TNFSF4: variants seen among roughly 807,000 people sequenced by gnomAD.
TNFSF4 encodes TNF superfamily member 4.
TNFSF4 carries 4 observed loss-of-function variants against 7.3 expected under a neutral mutation model. The observed-to-expected ratio is 0.55, with a 90% confidence interval of 0.27 to 1.25. The LOEUF (loss-of-function observed/expected upper bound fraction) is 1.25, where lower values mean the gene tolerates loss of function less well. Ranked by LOEUF, TNFSF4 falls within the 50% of genes most tolerant of loss-of-function variation. The probability of loss-of-function intolerance (pLI) is 0.12; values close to 1 mark genes in which losing one functional copy is unlikely to be tolerated. For synonymous variants in TNFSF4, 76 were observed against 83.7 expected, an observed-to-expected ratio of 0.91 and a Z score of 0.50; for missense variants, 181 against 208.8, an observed-to-expected ratio of 0.87 and a Z score of 0.82.
the TNFSF4 span, among the ~76,000 whole-genome samples, chr1:173,317,565 G>A: frequency 0.044 from 6,743 of 152,206 alleles, 456 homozygotes; most frequent in African/African-American, 0.15. Flanking sequence ...TTTAAAAAAG[G>A]ATTTAATTTA....
At position 173,187,546 on chromosome 1, in the gene TNFSF4, C is replaced by T. The variant is rs991457320; in HGVS notation, c.203-681G>A. On this transcript the variant is annotated intron_variant, in intron 2 of 2. Coordinates refer to ENST00000281834, the MANE Select transcript of TNFSF4 (RefSeq NM_003326.5). ...AGTTTAATAATGCAGCTGTGCACAC[C>T]GTATCTGTGGATTCAGGGTGGGCTC... 3.3e-5 allele frequency among the ~76,000 whole-genome samples: 5 copies of T among 152,300 alleles called. No individual in the cohort carries two copies. The East Asian group carries it at 9.6e-4, about 29-fold the overall frequency.
chr1:173,300,407 T>G, the TNFSF4 span, among the ~76,000 whole-genome samples: 1 of 151,808 alleles, frequency 6.6e-6, no homozygotes, highest in Non-Finnish European at 1.5e-5. Flanking sequence ...TGGATTGACA[T>G]TTTACTTTAC....
chr1:173,189,623 C>G (rs907910997), intron 1 of TNFSF4, among the ~76,000 whole-genome samples: 1 of 151,944 alleles, frequency 6.6e-6, no homozygotes, highest in African/African-American at 2.4e-5. Context: ...CAATATGGAA[C>G]CAACTCCGAG....
chr1:173,395,377 A>AATATATATATATAT, the TNFSF4 span, among the ~76,000 whole-genome samples: 164 of 63,166 alleles, frequency 2.6e-3, 1 homozygote, highest in South Asian at 6.0e-3. Flanking sequence ...CTGTGTATAT[A>AATATATATATATAT]ATATATATAT....
the TNFSF4 span, among the ~76,000 whole-genome samples, chr1:173,324,928 C>G: frequency 6.6e-6 from 1 of 152,202 alleles, no homozygotes; most frequent in Admixed American, 6.5e-5. Context: ...GACTTTAACA[C>G]CCCACTGTCA....
the TNFSF4 span, among the ~76,000 whole-genome samples, chr1:173,305,887 TA>T: frequency 1.3e-5 from 2 of 151,774 alleles, no homozygotes; most frequent in Admixed American, 6.6e-5. Context: ...ATGTGCGGAT[TA>T]AAAGTCCCTC....
the TNFSF4 span, among the ~76,000 whole-genome samples, chr1:173,310,741 C>T: frequency 6.0e-5 from 9 of 151,198 alleles, no homozygotes; most frequent in Admixed American, 4.6e-4. Flanking sequence ...CCAGTGAAGA[C>T]TGTGGATTTC....
the TNFSF4 span, among the ~76,000 whole-genome samples, chr1:173,393,824 G>A: frequency 1.3e-5 from 2 of 152,192 alleles, no homozygotes; most frequent in African/African-American, 2.4e-5. Flanking sequence ...GCTATTAGCT[G>A]AGACATGTGA....
At chr1:173,250,174 G>A in the TNFSF4 span, among the ~76,000 whole-genome samples, 2 of 152,070 alleles carry the variant, frequency 1.3e-5, no homozygotes, top group Non-Finnish European at 2.9e-5. Flanking sequence ...ACTAAATTGA[G>A]ATCTTTATTT....
At chr1:173,290,991 A>G in the TNFSF4 span, among the ~76,000 whole-genome samples, 5 of 152,216 alleles carry the variant, frequency 3.3e-5, no homozygotes, top group Non-Finnish European at 7.3e-5. Flanking sequence ...TGGATAAAGA[A>G]CAAAATTAAG....
chr1:173,409,767 G>T, the TNFSF4 span, among the ~76,000 whole-genome samples: 1 of 152,118 alleles, frequency 6.6e-6, no homozygotes, highest in African/African-American at 2.4e-5. Context: ...AGAAGTGCAG[G>T]CAGTGGTTAC....
the TNFSF4 span, among the ~76,000 whole-genome samples, chr1:173,378,469 C>T: frequency 3.3e-5 from 5 of 152,282 alleles, no homozygotes; most frequent in Non-Finnish European, 5.9e-5. Flanking sequence ...AGGCTCACCC[C>T]TGAAATGTAT....
chr1:173,278,075 T>C, the TNFSF4 span, among the ~76,000 whole-genome samples: 1 of 152,114 alleles, frequency 6.6e-6, no homozygotes, highest in African/African-American at 2.4e-5. Context: ...AGTATCCAAA[T>C]GCTCTCAGAT....
At chr1:173,378,352 A>C in the TNFSF4 span, among the ~76,000 whole-genome samples, 1 of 152,180 alleles carries the variant, frequency 6.6e-6, no homozygotes, top group Non-Finnish European at 1.5e-5. Context: ...AACTATTCTG[A>C]ACAGCAGGGT....
chr1:173,203,061 T>A (rs2101999513), intron 1 of TNFSF4, among the ~76,000 whole-genome samples: 1 of 152,222 alleles, frequency 6.6e-6, no homozygotes, highest in African/African-American at 2.4e-5. Context: ...AAAAACCTTC[T>A]CCAATGGATG....
the TNFSF4 span, among the ~76,000 whole-genome samples, chr1:173,357,538 C>CTT: frequency 6.7e-5 from 10 of 149,390 alleles, no homozygotes; most frequent in Admixed American, 3.3e-4. Context: ...CCATACCAGC[C>CTT]TTTTTTTTTT....
the TNFSF4 span, among the ~76,000 whole-genome samples, chr1:173,314,956 A>G: frequency 6.6e-6 from 1 of 152,132 alleles, no homozygotes; most frequent in East Asian, 1.9e-4. Flanking sequence ...AAGTGGGGCA[A>G]GGGCAGCAGG....
the TNFSF4 span, among the ~76,000 whole-genome samples, chr1:173,243,210 G>A: frequency 6.6e-6 from 1 of 152,094 alleles, no homozygotes; most frequent in Non-Finnish European, 1.5e-5. Context: ...AGTTCCATTT[G>A]AGATATTCTT....
At chr1:173,431,988 C>A in the TNFSF4 span, among the ~76,000 whole-genome samples, 1 of 152,166 alleles carries the variant, frequency 6.6e-6, no homozygotes, top group Non-Finnish European at 1.5e-5. Context: ...TGTAGCAATG[C>A]CCTGAGAGGA....
Sources: gnomAD v4.1 joint callset for allele counts (sites outside exome capture counted in the v4.1 genomes callset) on GRCh38, gnomAD v4.1.1 for gene constraint, MANE v1.5 for transcripts, NCBI Gene and HGNC (gene_info 2026-07-23, HGNC 2026-07-21) for gene names.